Variants in EEF1AKMT2 observed in about 807,000 individuals in gnomAD.
EEF1AKMT2 encodes eukaryotic translation elongation factor 1 alpha lysine methyltransferase 2.
Under a neutral mutation model 35.8 loss-of-function variants are expected in EEF1AKMT2, and 32 were observed. The ratio of observed to expected loss-of-function variants is 0.89; its 90% CI spans 0.67 to 1.20. The LOEUF is 1.20. Among genes scored for constraint, EEF1AKMT2 ranks in the 50% most tolerant of loss-of-function variants. The probability of loss-of-function intolerance (pLI) is 0.00; values close to 1 mark genes in which losing one functional copy is unlikely to be tolerated. For missense variants in EEF1AKMT2, 330 were observed against 347.5 expected (o/e 0.95, Z 0.40); for synonymous variants, 121 against 133.7 (o/e 0.91, Z 0.65).
At chr10:124,760,893 G>A (rs765059032) in intron 6 of EEF1AKMT2, among the ~76,000 whole-genome samples, 4 of 152,232 alleles carry the variant, frequency 2.6e-5, no homozygotes, top group South Asian at 4.1e-4. Flanking sequence ...TTTTTGAGAC[G>A]GAGTCTCACT....
intron 2 of EEF1AKMT2, among the ~76,000 whole-genome samples, chr10:124,789,735 A>G (rs1243767272): frequency 6.6e-6 from 1 of 150,540 alleles, no homozygotes; most frequent in African/African-American, 2.5e-5. Context: ...TCCAGCCTGG[A>G]TGACAGAATG....
Position 124,774,670 on chromosome 10 carries a change from G to A in EEF1AKMT2, c.399+5C>T. On this transcript the variant is annotated splice_donor_5th_base_variant and intron_variant, in intron 4 of 6. Transcript: ENST00000368836. ...AAATATTATAGTAATATAAATAATAGTTACCTTTAACTTAATGTTAGATAA... is the reference window on the plus strand; with the variant it reads ...AAATATTATAGTAATATAAATAATAATTACCTTTAACTTAATGTTAGATAA... 2 of 1,324,582 alleles carry A rather than the reference G, an allele frequency of 1.5e-6. No homozygotes were observed. The highest frequency in any genetic ancestry group is 2.0e-6 in the Non-Finnish European group (2 of 998,226). 82.1% of individuals were successfully genotyped at this position (1,324,582 alleles called of 1,614,324 possible). A position where few individuals can be genotyped will look rare whatever the true frequency, so the allele number is the denominator to read the frequency against.
Position 124,783,058 on chromosome 10 carries a change from CT to C in EEF1AKMT2, c.291+5984del, listed in dbSNP as rs1189164852. 2.2e-5 allele frequency: 7 copies of C among 319,874 alleles called. No homozygotes were observed. In the East Asian group the frequency reaches 6.0e-4, roughly 27 times the overall value. 19.8% of individuals were successfully genotyped at this position (319,874 alleles called of 1,614,324 possible). On this transcript the variant is annotated intron_variant, in intron 3 of 6. Coordinates refer to ENST00000368836, the MANE Select transcript of EEF1AKMT2 (RefSeq NM_212554.4). ...CATGTAAAAACTAAACAAAAAGGGGCTGAACATCATGTCCACTAGGATGGCT... is the reference window on the plus strand; with the variant it reads ...CATGTAAAAACTAAACAAAAAGGGGCGAACATCATGTCCACTAGGATGGCT...
intron 3 of EEF1AKMT2, among the ~76,000 whole-genome samples, chr10:124,775,312 T>C (rs1185203290): frequency 6.6e-6 from 1 of 152,180 alleles, no homozygotes; most frequent in Non-Finnish European, 1.5e-5. Context: ...TCCCATTAGA[T>C]CTTTACAGAA....
At chr10:124,778,617 G>A (rs1478489848) in intron 3 of EEF1AKMT2, among the ~76,000 whole-genome samples, 18 of 151,856 alleles carry the variant, frequency 1.2e-4, no homozygotes, top group South Asian at 4.2e-4. Flanking sequence ...CCAGCTACTC[G>A]GGAGACTGAG....
chr10:124,767,109 C>T (rs1397226731), intron 4 of EEF1AKMT2, among the ~76,000 whole-genome samples: 1 of 143,904 alleles, frequency 6.9e-6, no homozygotes, highest in East Asian at 2.1e-4. Flanking sequence ...TGCAGTGAGC[C>T]GAGATCACGC....
chr10:124,771,086 C>G (rs977163742), intron 4 of EEF1AKMT2, among the ~76,000 whole-genome samples: 1 of 152,000 alleles, frequency 6.6e-6, no homozygotes, highest in African/African-American at 2.4e-5. Flanking sequence ...TGAATCATTT[C>G]CAGAAGGTTT....
At chr10:124,790,814 G>A (rs963361803) in intron 1 of EEF1AKMT2, among the ~76,000 whole-genome samples, 2 of 152,148 alleles carry the variant, frequency 1.3e-5, no homozygotes. Flanking sequence ...CACCAGGCTG[G>A]AGTGCAGTGG....
intron 3 of EEF1AKMT2, among the ~76,000 whole-genome samples, chr10:124,786,228 C>T (rs557901514): frequency 5.9e-5 from 9 of 151,970 alleles, no homozygotes; most frequent in South Asian, 2.1e-4. Context: ...ATTTCAGGGC[C>T]GGGCGTGGTG....
In EEF1AKMT2 at chr10:124,790,256, T is replaced by C; in HGVS notation, c.176+17A>G. The C allele has an allele frequency of 1.3e-6, 2 of 1,578,072 alleles. No homozygotes were observed. Among genetic ancestry groups the C allele is most frequent in the Non-Finnish European group, 1.7e-6 (2 of 1,147,196 alleles). ...TATAATCTTCTAGATTATAACTTGA[T>C]TCTTTTCCTAACTCACCAGATTTCA... On this transcript the variant is annotated intron_variant, in intron 2 of 6. Transcript: ENST00000368836.
chr10:124,783,435 T>G lies in EEF1AKMT2; in HGVS notation c.291+5608A>C, dbSNP rs1226407562. Among the ~76,000 whole-genome samples, 7 of 152,276 alleles carry G rather than the reference T, an allele frequency of 4.6e-5. No individual in the cohort carries two copies. In the East Asian group the frequency reaches 1.2e-3, roughly 25 times the overall value. On this transcript the variant is annotated intron_variant, in intron 3 of 6. Transcript: ENST00000368836. ...CTAGGATTGCCGGCATAAGCCACTG[T>G]GCCCAGCCAAGAATATGGAGAAATT...
chr10:124,783,063 C>T (rs576509370), intron 3 of EEF1AKMT2: 86 of 301,174 alleles, frequency 2.9e-4, no homozygotes, highest in South Asian at 1.8e-3. Flanking sequence ...AGGGGCTGAA[C>T]ATCATGTCCA....
chr10:124,779,196 T>C (rs1950514779), intron 3 of EEF1AKMT2, among the ~76,000 whole-genome samples: 1 of 152,134 alleles, frequency 6.6e-6, no homozygotes. Flanking sequence ...AACAGCGTGA[T>C]CACAGCTCAC....
chr10:124,779,430 G>A lies in EEF1AKMT2; in HGVS notation c.292-4648C>T, dbSNP rs1256049179. Among the ~76,000 whole-genome samples the A allele has an allele frequency of 4.7e-5, 7 of 147,832 alleles. No individual in the cohort carries two copies. The East Asian group carries it at 1.1e-3, about 23-fold the overall frequency. ...TTATAGGTGTGAGCCACCATGCCCAGCCAGCAACCATTTTCTATAAAGAAA... is the reference window on the plus strand; with the variant it reads ...TTATAGGTGTGAGCCACCATGCCCAACCAGCAACCATTTTCTATAAAGAAA... On this transcript the variant is annotated intron_variant, in intron 3 of 6. Coordinates refer to ENST00000368836, the MANE Select transcript of EEF1AKMT2 (RefSeq NM_212554.4).
intron 2 of EEF1AKMT2, among the ~76,000 whole-genome samples, chr10:124,789,895 T>C (rs1266259114): frequency 5.4e-5 from 4 of 74,502 alleles, no homozygotes; most frequent in African/African-American, 8.2e-5. Context: ...CTTGAATATA[T>C]GCATTTTTTT....
At chr10:124,764,486 G>A (rs994690680) in intron 5 of EEF1AKMT2, among the ~76,000 whole-genome samples, 8 of 151,992 alleles carry the variant, frequency 5.3e-5, no homozygotes, top group African/African-American at 1.9e-4. Context: ...TTTGTGTATA[G>A]ATTACAGATT....
intron 3 of EEF1AKMT2, 154 bp from the exon 4 acceptor site, chr10:124,774,936 C>T: frequency 3.1e-6 from 1 of 321,524 alleles, no homozygotes; most frequent in Admixed American, 5.0e-5. Context: ...TTATTGTAGA[C>T]TCTAAATAAA....
At chr10:124,787,796 A>G (rs547267916) in intron 3 of EEF1AKMT2, among the ~76,000 whole-genome samples, 44 of 151,688 alleles carry the variant, frequency 2.9e-4, no homozygotes, top group South Asian at 8.3e-4. Flanking sequence ...GAATTTCTAG[A>G]GTTCTATAAT....
downstream of EEF1AKMT2, among the ~76,000 whole-genome samples, chr10:124,757,004 A>G (rs1326226676): frequency 1.3e-5 from 2 of 152,158 alleles, no homozygotes; most frequent in African/African-American, 2.4e-5. Flanking sequence ...CTGCCTAACC[A>G]AGAGAAATGT....
Sources: allele counts gnomAD v4.1 joint callset (sites outside exome capture counted in the v4.1 genomes callset), GRCh38; gene constraint gnomAD v4.1.1; transcripts MANE v1.5; gene names NCBI Gene and HGNC (gene_info 2026-07-23, HGNC 2026-07-21).